The following KCNQ5 variants were observed in gnomAD, a reference collection of about 807,000 sequenced individuals.
KCNQ5 encodes the protein potassium voltage-gated channel subfamily Q member 5, also known as potassium voltage-gated channel subfamily KQT member 5.
In KCNQ5, 30 loss-of-function variants were observed where a neutral mutation model predicts 98.2. That is an observed-to-expected ratio of 0.31 (90% CI 0.23 to 0.41). KCNQ5 has a LOEUF of 0.41. Ranked by LOEUF, KCNQ5 falls within the 10% of genes least tolerant of loss-of-function variation. KCNQ5 has a pLI of 1.00. For missense variants in KCNQ5, 835 were observed against 1,182.5 expected, an observed-to-expected ratio of 0.71 and a Z score of 4.31; for synonymous variants, 458 against 449.4, an observed-to-expected ratio of 1.02 and a Z score of -0.24.
At chr6:72,771,682 GTGTA>G (rs992304989) in intron 1 of KCNQ5, among the ~76,000 whole-genome samples, 3 of 151,732 alleles carry the variant, frequency 2.0e-5, no homozygotes, top group African/African-American at 7.3e-5. Flanking sequence ...GTGTGTGTGT[GTGTA>G]TAACATCATG....
At position 72,733,443 on chromosome 6, in the gene KCNQ5, A is replaced by C. The variant is rs1411261696; in HGVS notation, c.398+110856A>C. ...GCAGAAAGATAAGGATGAGGAGTGCATGAGCACCAAGGAAGATAAATGTAA... is the reference window on the plus strand; with the variant it reads ...GCAGAAAGATAAGGATGAGGAGTGCCTGAGCACCAAGGAAGATAAATGTAA... On this transcript the variant is annotated intron_variant, in intron 1 of 13. Transcript: ENST00000370398. 2.0e-5 allele frequency among the ~76,000 whole-genome samples: 3 copies of C among 152,240 alleles called. No homozygotes were observed. In the South Asian group the frequency reaches 6.2e-4, roughly 31 times the overall value.
chr6:72,658,576 ATAT>A (rs1203661910), intron 1 of KCNQ5, among the ~76,000 whole-genome samples: 25 of 92,390 alleles, frequency 2.7e-4, no homozygotes, highest in African/African-American at 9.2e-4. Context: ...ATATATATAT[ATAT>A]TTTTTTTTTT....
intron 1 of KCNQ5, among the ~76,000 whole-genome samples, chr6:72,722,774 T>A (rs1250742761): frequency 6.6e-6 from 1 of 151,876 alleles, no homozygotes; most frequent in Admixed American, 6.6e-5. Flanking sequence ...AAATTAAGCA[T>A]GATAATAATT....
intron 1 of KCNQ5, among the ~76,000 whole-genome samples, chr6:72,684,646 A>G (rs878948315): frequency 2.0e-5 from 3 of 152,238 alleles, no homozygotes; most frequent in African/African-American, 7.2e-5. Flanking sequence ...GTTTTCATGC[A>G]CTTGGAATGG....
chr6:72,804,123 A>T (rs182982967), intron 1 of KCNQ5, among the ~76,000 whole-genome samples: 53 of 152,236 alleles, frequency 3.5e-4, no homozygotes, highest in Admixed American at 7.2e-4. Context: ...AGGGCATACA[A>T]GGCATGATAA....
chr6:72,780,422 A>G (rs971695576), intron 1 of KCNQ5, among the ~76,000 whole-genome samples: 2 of 152,234 alleles, frequency 1.3e-5, no homozygotes, highest in African/African-American at 4.8e-5. Flanking sequence ...AGAGCAGAGA[A>G]CAGGAGCCCA....
chr6:72,800,034 C>G (rs1017519054), intron 1 of KCNQ5, among the ~76,000 whole-genome samples: 11 of 152,138 alleles, frequency 7.2e-5, no homozygotes, highest in African/African-American at 2.4e-4. Flanking sequence ...ACTTTGATTA[C>G]TAGTACCTTA....
chr6:73,158,572 AT>A (rs1409829386), intron 10 of KCNQ5, among the ~76,000 whole-genome samples: 1 of 151,854 alleles, frequency 6.6e-6, no homozygotes, highest in African/African-American at 2.4e-5. Context: ...GTCCTGGAAG[AT>A]TTTTTTTCTT....
chr6:72,710,273 A>G (rs772290084), intron 1 of KCNQ5, among the ~76,000 whole-genome samples: 5 of 152,242 alleles, frequency 3.3e-5, no homozygotes, highest in Non-Finnish European at 5.9e-5. Flanking sequence ...CTCTCAATGT[A>G]GCAATCAGAA....
chr6:73,081,764 G>GA (rs887055916), intron 5 of KCNQ5, among the ~76,000 whole-genome samples: 3 of 151,578 alleles, frequency 2.0e-5, no homozygotes, highest in Admixed American at 6.6e-5. Context: ...CTATTGAAAA[G>GA]AAAAAAAACT....
At position 72,811,896 on chromosome 6, in the gene KCNQ5, A is replaced by G. The variant is rs984048604; in HGVS notation, c.398+189309A>G. Among the ~76,000 whole-genome samples, 29 of 152,166 alleles carry G rather than the reference A, an allele frequency of 1.9e-4. 1 individual carries two copies. The highest frequency in any genetic ancestry group is 1.7e-3 in the Admixed American group (26 of 15,278). On this transcript the variant is annotated intron_variant, in intron 1 of 13. Coordinates refer to ENST00000370398, the MANE Select transcript of KCNQ5 (RefSeq NM_019842.4). Reference sequence around the variant, plus strand: ...CAGTCCCAGGGGCTGCTGGTTGGCTATTTATAGGGTTATTTCTTGATTATC... The same window carrying G: ...CAGTCCCAGGGGCTGCTGGTTGGCTGTTTATAGGGTTATTTCTTGATTATC...
chr6:72,838,845 G>A (rs1776642841), intron 1 of KCNQ5, among the ~76,000 whole-genome samples: 1 of 149,608 alleles, frequency 6.7e-6, no homozygotes, highest in Admixed American at 6.7e-5. Context: ...AGCTACTCGG[G>A]AGGCTGAGGC....
intron 1 of KCNQ5, among the ~76,000 whole-genome samples, chr6:72,753,516 T>C (rs1361718724): frequency 6.6e-6 from 1 of 152,090 alleles, no homozygotes; most frequent in Non-Finnish European, 1.5e-5. Context: ...AAATGCCAAA[T>C]GTTTTCCAAA....
At chr6:72,885,435 G>A (rs540406351) in intron 1 of KCNQ5, among the ~76,000 whole-genome samples, 13 of 152,172 alleles carry the variant, frequency 8.5e-5, no homozygotes, top group African/African-American at 3.1e-4. Flanking sequence ...GTCCAGCTTA[G>A]GCAACATAGT....
intron 1 of KCNQ5, among the ~76,000 whole-genome samples, chr6:72,629,839 TG>T (rs1047857930): frequency 3.9e-5 from 6 of 152,190 alleles, no homozygotes; most frequent in Non-Finnish European, 7.4e-5. Flanking sequence ...GGTTGCAACC[TG>T]GGAGAAAGAT....
intron 1 of KCNQ5, among the ~76,000 whole-genome samples, chr6:72,968,952 G>A (rs1434177544): frequency 6.6e-6 from 1 of 152,034 alleles, no homozygotes; most frequent in African/African-American, 2.4e-5. Context: ...TCATCCAATT[G>A]GTATGTGATG....
chr6:72,914,206 G>C (rs1278372073), intron 1 of KCNQ5, among the ~76,000 whole-genome samples: 1 of 151,978 alleles, frequency 6.6e-6, no homozygotes, highest in Admixed American at 6.6e-5. Context: ...TATTCATATG[G>C]GCATAACAAC....
At chr6:72,934,547 T>C (rs1020162679) in intron 1 of KCNQ5, among the ~76,000 whole-genome samples, 2 of 152,184 alleles carry the variant, frequency 1.3e-5, no homozygotes, top group African/African-American at 4.8e-5. Context: ...TTAGTGACAA[T>C]GAGATTTCAA....
At chr6:72,739,501 A>G (rs1771021909) in intron 1 of KCNQ5, among the ~76,000 whole-genome samples, 1 of 152,166 alleles carries the variant, frequency 6.6e-6, no homozygotes. Context: ...CTTCATCTCT[A>G]TTGCTTCTGA....
Sources: gnomAD v4.1 joint callset for allele counts (sites outside exome capture counted in the v4.1 genomes callset) on GRCh38, gnomAD v4.1.1 for gene constraint, MANE v1.5 for transcripts, NCBI Gene and HGNC (gene_info 2026-07-23, HGNC 2026-07-21) for gene names.